TEX9: variants seen among roughly 807,000 people sequenced by gnomAD.
The protein encoded by TEX9 is testis-expressed protein 9.
A neutral mutation model predicts 59.6 loss-of-function variants in TEX9; 74 were observed. The observed-to-expected ratio is 1.24, with a 90% CI of 1.03 to 1.51. The LOEUF is 1.51. Among genes scored for constraint, TEX9 ranks in the 40% most tolerant of loss-of-function variants. TEX9 has a pLI of 0.00. For synonymous variants in TEX9, 186 were observed against 152.2 expected (o/e 1.22, Z -1.64); for missense variants, 522 against 447.8 (o/e 1.17, Z -1.49).
At chr15:56,366,448 C>T (rs905589660) in intron 2 of TEX9, among the ~76,000 whole-genome samples, 1 of 152,198 alleles carries the variant, frequency 6.6e-6, no homozygotes, top group Non-Finnish European at 1.5e-5. Context: ...GACAGTCACA[C>T]ACGCCTTCAA....
chr15:56,427,965 A>T (rs1185874108), intron 11 of TEX9, among the ~76,000 whole-genome samples: 1 of 152,078 alleles, frequency 6.6e-6, no homozygotes, highest in African/African-American at 2.4e-5. Context: ...AGAAAATGGG[A>T]CTGGAAAATA....
At chr15:56,330,033 A>G (rs975332851) in intron 1 of TEX9, among the ~76,000 whole-genome samples, 3 of 151,182 alleles carry the variant, frequency 2.0e-5, no homozygotes, top group South Asian at 4.2e-4. Context: ...AGAGAAAAGA[A>G]AAAAAACAAA....
At chr15:56,384,192 CAT>C (rs1214932765) in intron 4 of TEX9, among the ~76,000 whole-genome samples, 161 bp downstream of exon 4, 35 of 152,274 alleles carry the variant, frequency 2.3e-4, no homozygotes, top group African/African-American at 7.9e-4. Context: ...CCCTTTATCT[CAT>C]GTAATTTTCA....
At chr15:56,266,547 A>G (rs189327839) in intron 1 of TEX9, among the ~76,000 whole-genome samples, 109 of 147,700 alleles carry the variant, frequency 7.4e-4, no homozygotes, top group Admixed American at 2.1e-3. Flanking sequence ...TCATTGTTCA[A>G]TTCCCACCTA....
intron 12 of TEX9, among the ~76,000 whole-genome samples, chr15:56,435,827 G>A (rs555441079): frequency 6.6e-6 from 1 of 152,122 alleles, no homozygotes; most frequent in African/African-American, 2.4e-5. Flanking sequence ...TATGAAGATA[G>A]TATTACCCCG....
chr15:56,439,462 A>C (rs1347360604), intron 12 of TEX9, among the ~76,000 whole-genome samples: 4 of 152,064 alleles, frequency 2.6e-5, no homozygotes, highest in Middle Eastern at 3.2e-3. Context: ...AAAAATTTTA[A>C]GACTTGCCAT....
intron 9 of TEX9, chr15:56,409,684 T>G (rs1175965204): frequency 6.6e-6 from 1 of 150,556 alleles, no homozygotes; most frequent in Non-Finnish European, 1.5e-5. Context: ...AATTTTTTTG[T>G]AGAGACAAGG....
chr15:56,274,818 G>A (rs959773772), intron 1 of TEX9, among the ~76,000 whole-genome samples: 1 of 152,048 alleles, frequency 6.6e-6, no homozygotes, highest in Non-Finnish European at 1.5e-5. Flanking sequence ...GCTGTTGCTG[G>A]GTTTGTCTTC....
At chr15:56,373,487 C>G (rs2047282519) in exon 3 of TEX9, 1 of 1,572,270 alleles carries the variant, frequency 6.4e-7, no homozygotes, top group Admixed American at 2.1e-5. Flanking sequence ...CGTGGTTCAA[C>G]AAGCTAAGGA....
intron 1 of TEX9, among the ~76,000 whole-genome samples, chr15:56,297,766 A>G (rs1318253757): frequency 6.6e-6 from 1 of 152,178 alleles, no homozygotes; most frequent in African/African-American, 2.4e-5. Flanking sequence ...TGGCCTCCCA[A>G]AGCGCTGGGG....
chr15:56,307,248 A>G (rs1175317682), intron 1 of TEX9, among the ~76,000 whole-genome samples: 1 of 152,118 alleles, frequency 6.6e-6, no homozygotes, highest in African/African-American at 2.4e-5. Context: ...TTTTGTCTCA[A>G]TGTTTATCCT....
the TEX9 span, among the ~76,000 whole-genome samples, chr15:56,456,226 C>G: frequency 6.6e-6 from 1 of 152,064 alleles, no homozygotes; most frequent in Non-Finnish European, 1.5e-5. Flanking sequence ...AATACAACTT[C>G]TTTTCTCAAA....
At chr15:56,317,235 A>T (rs1052068540) in intron 1 of TEX9, among the ~76,000 whole-genome samples, 6 of 152,232 alleles carry the variant, frequency 3.9e-5, no homozygotes, top group African/African-American at 1.4e-4. Flanking sequence ...GAATCTATTC[A>T]GATTTTCTCT....
chr15:56,458,007 G>A, the TEX9 span, among the ~76,000 whole-genome samples: 1 of 152,006 alleles, frequency 6.6e-6, no homozygotes, highest in East Asian at 1.9e-4. Flanking sequence ...ATAAACTGTG[G>A]TACATCCATA....
At chr15:56,244,349 T>A (rs1480477838) in intron 1 of TEX9, 1 of 152,162 alleles carries the variant, frequency 6.6e-6, no homozygotes, top group Non-Finnish European at 1.5e-5. Context: ...ACCCTTTAGG[T>A]AATTCGGTCT....
At chr15:56,341,166 T>C (rs1356310567) in intron 1 of TEX9, among the ~76,000 whole-genome samples, 4 of 152,216 alleles carry the variant, frequency 2.6e-5, no homozygotes, top group African/African-American at 9.6e-5. Context: ...TTAGTTTTTA[T>C]ACCTGGCTTT....
At chr15:56,342,060 T>G (rs1181350143) in intron 1 of TEX9, among the ~76,000 whole-genome samples, 2 of 152,136 alleles carry the variant, frequency 1.3e-5, no homozygotes, top group African/African-American at 4.8e-5. Context: ...CTAATCCCTT[T>G]GATGAAGCCT....
chr15:56,352,842 G>C (rs920317200), intron 1 of TEX9, among the ~76,000 whole-genome samples: 3 of 152,138 alleles, frequency 2.0e-5, no homozygotes, highest in African/African-American at 2.4e-5. Flanking sequence ...TGTTTGATCA[G>C]TTAATGAAAA....
intron 1 of TEX9, among the ~76,000 whole-genome samples, chr15:56,328,374 G>C (rs1330308781): frequency 6.6e-6 from 1 of 152,098 alleles, no homozygotes; most frequent in Non-Finnish European, 1.5e-5. Context: ...GTGAGACCCA[G>C]CACATTCCCA....
Sources: allele counts gnomAD v4.1 joint callset (sites outside exome capture counted in the v4.1 genomes callset), GRCh38; gene constraint gnomAD v4.1.1; transcripts MANE v1.5; gene names NCBI Gene and HGNC (gene_info 2026-07-23, HGNC 2026-07-21).